FKBP1A: variants seen among roughly 807,000 people sequenced by gnomAD.
The protein encoded by FKBP1A is peptidyl-prolyl cis-trans isomerase FKBP1A.
In FKBP1A, 5 loss-of-function variants were observed where a neutral mutation model predicts 14.2. The ratio of observed to expected loss-of-function variants is 0.35; its 90% CI spans 0.18 to 0.74. The LOEUF (loss-of-function observed/expected upper bound fraction) is 0.74. Ranked by LOEUF, FKBP1A falls within the 30% of genes least tolerant of loss-of-function variation. FKBP1A has a pLI of 0.56. For missense variants in FKBP1A, 53 were observed against 138.8 expected (o/e 0.38, Z 3.10); for synonymous variants, 42 against 49.1 (o/e 0.86, Z 0.60).
intron 2 of FKBP1A, chr20:1,378,758 A>G (rs897485017): frequency 1.3e-5 from 2 of 152,244 alleles, no homozygotes; most frequent in African/African-American, 4.8e-5. Flanking sequence ...AGTTACCTGC[A>G]GCCAAATGAA....
intron 3 of FKBP1A, among the ~76,000 whole-genome samples, chr20:1,372,701 A>G (rs927852665): frequency 7.9e-5 from 12 of 152,250 alleles, no homozygotes; most frequent in Middle Eastern, 3.4e-3. Flanking sequence ...TTTTTTCTGT[A>G]TTTTTTCTAT....
At chr20:1,384,619 T>G (rs1286723382) in intron 2 of FKBP1A, among the ~76,000 whole-genome samples, 1 of 152,210 alleles carries the variant, frequency 6.6e-6, no homozygotes, top group Non-Finnish European at 1.5e-5. Flanking sequence ...TCAATCATGA[T>G]GGGTAAAAAG....
intron 4 of FKBP1A, chr20:1,370,372 C>G: frequency 1.0e-6 from 1 of 985,406 alleles, no homozygotes; most frequent in Non-Finnish European, 1.2e-6. Flanking sequence ...TCCCCACTAT[C>G]ATTGGGTCTC....
chr20:1,374,902 T>C (rs113054257), intron 3 of FKBP1A, among the ~76,000 whole-genome samples: 13 of 152,344 alleles, frequency 8.5e-5, no homozygotes, highest in African/African-American at 3.1e-4. Flanking sequence ...AATGGCACAA[T>C]CTTGGCTCAC....
At chr20:1,372,613 TG>T (rs2089482417) in intron 3 of FKBP1A, among the ~76,000 whole-genome samples, 1 of 152,250 alleles carries the variant, frequency 6.6e-6, no homozygotes, top group Non-Finnish European at 1.5e-5. Context: ...GTGCCATCTA[TG>T]CTCTTCTTGA....
At chr20:1,376,126 T>TGGTTC (rs2089540107) in intron 2 of FKBP1A, among the ~76,000 whole-genome samples, 1 of 152,228 alleles carries the variant, frequency 6.6e-6, no homozygotes, top group Non-Finnish European at 1.5e-5. Context: ...GGCTCCTCTG[T>TGGTTC]GGTTCACTAA....
rs776275313 is a variant in FKBP1A, at chr20:1,392,903, T to C, written c.38-22A>G. 48 of 1,409,990 alleles carry C rather than the reference T, an allele frequency of 3.4e-5. 2 individuals are homozygous for C. The Admixed American group carries it at 7.6e-4, about 22-fold the overall frequency. 87.3% of individuals were successfully genotyped at this position (1,409,990 alleles called of 1,614,324 possible). A position where few individuals can be genotyped will look rare whatever the true frequency, so the allele number is the denominator to read the frequency against. On this transcript the variant is annotated intron_variant, in intron 1 of 4. Coordinates refer to ENST00000400137, the MANE Select transcript of FKBP1A (RefSeq NM_000801.5). ...CGCCCTGAGGAGACAGAGACGGGCA[T>C]GCTGAGCCGATGCGCGCGGCGGCAG...
chr20:1,369,790 G>T lies in FKBP1A; in HGVS notation c.*319C>A. On this transcript the variant is annotated 3_prime_UTR_variant, in exon 5 of 5. Transcript: ENST00000400137. ...ACTTGTGCTGTTAATACTTGACCAT[G>T]TACTTAATTGGAAACCTATATCCAA... The T allele has an allele frequency of 2.4e-6, 1 of 411,478 alleles. No homozygotes were observed. 25.5% of individuals were successfully genotyped at this position (411,478 alleles called of 1,614,324 possible).
intron 4 of FKBP1A, chr20:1,371,833 A>G: frequency 8.3e-7 from 1 of 1,199,544 alleles, no homozygotes; most frequent in Non-Finnish European, 1.0e-6. Flanking sequence ...AAACATTTAA[A>G]CAGCTGCCAT....
At chr20:1,383,521 A>G (rs1024263780) in intron 2 of FKBP1A, among the ~76,000 whole-genome samples, 2 of 151,978 alleles carry the variant, frequency 1.3e-5, no homozygotes, top group Non-Finnish European at 2.9e-5. Flanking sequence ...AAAAAGTACA[A>G]TGAGGCCAGC....
intron 2 of FKBP1A, among the ~76,000 whole-genome samples, chr20:1,382,893 C>A (rs777936848): frequency 6.6e-5 from 10 of 152,190 alleles, no homozygotes; most frequent in African/African-American, 2.4e-4. Flanking sequence ...CAAAACAAGA[C>A]GGTGCAGAGA....
chr20:1,388,385 C>T (rs1023082899), intron 2 of FKBP1A, among the ~76,000 whole-genome samples: 1 of 152,156 alleles, frequency 6.6e-6, no homozygotes, highest in Admixed American at 6.5e-5. Flanking sequence ...ATAACAACTG[C>T]GATGAGTGAG....
chr20:1,370,707 G>T, intron 4 of FKBP1A: 1 of 985,410 alleles, frequency 1.0e-6, no homozygotes, highest in Non-Finnish European at 1.2e-6. Flanking sequence ...TACTCGGGGT[G>T]ACTTGTAGCC....
intron 3 of FKBP1A, among the ~76,000 whole-genome samples, chr20:1,373,780 T>C (rs2089501058): frequency 6.6e-6 from 1 of 152,160 alleles, no homozygotes; most frequent in African/African-American, 2.4e-5. Context: ...AGATGGGTTG[T>C]GGTATGAACA....
chr20:1,385,900 T>C (rs545158907), intron 2 of FKBP1A, among the ~76,000 whole-genome samples: 1 of 152,390 alleles, frequency 6.6e-6, no homozygotes, highest in East Asian at 1.9e-4. Flanking sequence ...CACTTTCTCA[T>C]TGAGGCCTTT....
intron 2 of FKBP1A, among the ~76,000 whole-genome samples, chr20:1,384,055 TCA>T (rs985453050): frequency 5.3e-5 from 8 of 152,146 alleles, no homozygotes; most frequent in Non-Finnish European, 1.0e-4. Context: ...CTCATAAAAC[TCA>T]CAGCCTTCGT....
chr20:1,370,539 G>C (rs2089450122), intron 4 of FKBP1A: 1 of 985,166 alleles, frequency 1.0e-6, no homozygotes, highest in African/African-American at 1.7e-5. Context: ...AGTCCAGACT[G>C]AGAATAAACT....
chr20:1,391,967 G>A (rs62186863), intron 2 of FKBP1A, among the ~76,000 whole-genome samples: 1 of 152,192 alleles, frequency 6.6e-6, no homozygotes, highest in African/African-American at 2.4e-5. Context: ...AGCTTGTAAG[G>A]AGAAGGAGTA....
At chr20:1,371,845 T>TC (rs1269070774) in intron 4 of FKBP1A, 2 of 1,226,222 alleles carry the variant, frequency 1.6e-6, no homozygotes, top group African/African-American at 1.6e-5. Context: ...AGCTGCCATC[T>TC]CCATGAGTTG....
Sources: gnomAD v4.1 joint callset for allele counts (sites outside exome capture counted in the v4.1 genomes callset) on GRCh38, gnomAD v4.1.1 for gene constraint, MANE v1.5 for transcripts, NCBI Gene and HGNC (gene_info 2026-07-23, HGNC 2026-07-21) for gene names.